Variants in NUDT21 observed in about 807,000 individuals in gnomAD.
NUDT21 encodes cleavage and polyadenylation specificity factor subunit 5.
In NUDT21, 5 loss-of-function variants were observed where a neutral mutation model predicts 29.8. The observed-to-expected ratio is 0.17, with a 90% CI of 0.09 to 0.35. NUDT21 has a LOEUF of 0.35. Ranked by LOEUF, NUDT21 falls within the 10% of genes least tolerant of loss-of-function variation. The pLI, the probability that NUDT21 is intolerant of heterozygous loss-of-function variation, is 1.00. For synonymous variants in NUDT21, 113 were observed against 98.5 expected (o/e 1.15, Z -0.87); for missense variants, 76 against 276.0 (o/e 0.28, Z 5.13).
In NUDT21 at chr16:56,439,467, C is replaced by T. The variant is rs367992423; in HGVS notation, c.471+190G>A. 71 of 553,574 alleles carry T rather than the reference C, an allele frequency of 1.3e-4. No homozygotes were observed. In the East Asian group the frequency reaches 1.8e-3, roughly 14 times the overall value. 34.3% of individuals were successfully genotyped at this position (553,574 alleles called of 1,614,324 possible). A position where few individuals can be genotyped will look rare whatever the true frequency, so the allele number is the denominator to read the frequency against. ...CTGGGATTACAGGCATGAGCCACCT[C>T]GCCCGGCCTTGTATTTGTTTTACAT... On this transcript the variant is annotated intron_variant, in intron 4 of 6. Coordinates refer to ENST00000300291, the MANE Select transcript of NUDT21 (RefSeq NM_007006.3).
chr16:56,447,527 C>G (rs1962233085), intron 2 of NUDT21: 1 of 448,810 alleles, frequency 2.2e-6, no homozygotes, highest in African/African-American at 2.0e-5. Flanking sequence ...AGACATTGAT[C>G]TTGGACTCAA....
intron 3 of NUDT21, among the ~76,000 whole-genome samples, chr16:56,445,261 C>A (rs1235007267): frequency 1.3e-5 from 2 of 151,934 alleles, no homozygotes; most frequent in Non-Finnish European, 2.9e-5. Flanking sequence ...AAGTATAATG[C>A]AAATATTCCA....
intron 5 of NUDT21, 114 bp downstream of exon 5, chr16:56,434,640 G>C: frequency 1.2e-6 from 1 of 863,618 alleles, no homozygotes; most frequent in Non-Finnish European, 1.9e-6. Context: ...TACATCTTTA[G>C]TTTTACAACA....
At chr16:56,450,683 CTAGGTTA>C (rs1409108664) in intron 1 of NUDT21, among the ~76,000 whole-genome samples, 1 of 152,200 alleles carries the variant, frequency 6.6e-6, no homozygotes, top group African/African-American at 2.4e-5. Flanking sequence ...AAAAATGATA[CTAGGTTA>C]TACCATTCGT....
chr16:56,442,875 T>C (rs1962175294), intron 3 of NUDT21, among the ~76,000 whole-genome samples: 1 of 152,184 alleles, frequency 6.6e-6, no homozygotes, highest in South Asian at 2.1e-4. Context: ...TTACTGAATT[T>C]TTCATTTCTT....
chr16:56,434,971 C>T (rs568783098), intron 4 of NUDT21, 142 bp from the exon 5 acceptor site: 1 of 542,050 alleles, frequency 1.8e-6, no homozygotes, highest in East Asian at 2.9e-5. Context: ...AACAGATACA[C>T]TAGTAAATAA....
intron 2 of NUDT21, among the ~76,000 whole-genome samples, chr16:56,447,277 A>G (rs1596957932): frequency 6.6e-6 from 1 of 152,340 alleles, no homozygotes; most frequent in African/African-American, 2.4e-5. Flanking sequence ...AATGGATCAC[A>G]TTCTTTAGGC....
intron 3 of NUDT21, among the ~76,000 whole-genome samples, chr16:56,443,775 C>T (rs1178467885): frequency 6.6e-6 from 1 of 152,194 alleles, no homozygotes; most frequent in East Asian, 1.9e-4. Context: ...TGCTTTCTGC[C>T]ATGAGTGGAA....
chr16:56,435,771 A>ATATATATATATATG (rs1369761952), intron 4 of NUDT21, among the ~76,000 whole-genome samples: 2 of 101,856 alleles, frequency 2.0e-5, no homozygotes, highest in Non-Finnish European at 4.0e-5. Flanking sequence ...ATATATATAT[A>ATATATATATATATG]TATATATATA....
Position 56,429,641 on chromosome 16 carries a change from T to G in NUDT21, c.*3071A>C, listed in dbSNP as rs1345086418. On this transcript the variant is annotated 3_prime_UTR_variant, in exon 7 of 7. Coordinates refer to ENST00000300291, the MANE Select transcript of NUDT21 (RefSeq NM_007006.3). Reference sequence around the variant, plus strand: ...AATGAGTCCAGTTTAACCCAAATAATCAGTGATGTATAACAAGTGAAGTAA... The same window carrying G: ...AATGAGTCCAGTTTAACCCAAATAAGCAGTGATGTATAACAAGTGAAGTAA... The G allele has an allele frequency of 6.6e-6, 1 of 152,146 alleles. No homozygotes were observed. The highest frequency in any genetic ancestry group is 1.5e-5 in the Non-Finnish European group (1 of 68,038). 9.4% of individuals were successfully genotyped at this position (152,146 alleles called of 1,614,324 possible).
intron 3 of NUDT21, among the ~76,000 whole-genome samples, chr16:56,441,010 G>GCTTA (rs1962153566): frequency 6.6e-6 from 1 of 152,052 alleles, no homozygotes; most frequent in Admixed American, 6.6e-5. Context: ...AAAGTGCTGG[G>GCTTA]CTTACAGGCA....
Position 56,451,289 on chromosome 16 carries a change from C to G in NUDT21, c.-87G>C. The G allele has an allele frequency of 9.6e-7, 1 of 1,042,698 alleles. No homozygotes were observed. Among genetic ancestry groups the G allele is most frequent in the Non-Finnish European group, 1.4e-6 (1 of 711,618 alleles). 64.6% of individuals were successfully genotyped at this position (1,042,698 alleles called of 1,614,324 possible). A position where few individuals can be genotyped will look rare whatever the true frequency, so the allele number is the denominator to read the frequency against. On this transcript the variant is annotated 5_prime_UTR_variant, in exon 1 of 7. Transcript: ENST00000300291. ...GCGGGAAGCGGTTATCTGCAATCCC[C>G]TCAGCGGCTACTGCCCGCCATTAAC...
intron 4 of NUDT21, among the ~76,000 whole-genome samples, chr16:56,436,542 T>C (rs1433560574): frequency 6.6e-6 from 1 of 152,220 alleles, no homozygotes; most frequent in Non-Finnish European, 1.5e-5. Flanking sequence ...TTCCTTAAAC[T>C]GTCATGAAAA....
intron 4 of NUDT21, among the ~76,000 whole-genome samples, chr16:56,435,461 T>C (rs1962086335): frequency 6.6e-6 from 1 of 150,934 alleles, no homozygotes; most frequent in South Asian, 2.1e-4. Context: ...GCACAGTGGC[T>C]CACGCCTGTA....
chr16:56,447,953 C>T lies in NUDT21; in HGVS notation c.153G>A (p.Glu51=), dbSNP rs977323734. ...CAGAGCTGTCCTTCTCGTAGAGGGGCTCTTTTGTACCAAAAGTATAATTGG... is the reference window on the plus strand; with the variant it reads ...CAGAGCTGTCCTTCTCGTAGAGGGGTTCTTTTGTACCAAAAGTATAATTGG... ...PLTNYTFGTK[E]PLYEKDSSVA... is the part of the protein sequence containing the mutation. Residue 51 remains glutamate (E), a synonymous_variant, in exon 2 of 7, where the codon GAG becomes GAA. Transcript: ENST00000300291. The T allele has an allele frequency of 3.1e-6, 5 of 1,613,904 alleles. No individual in the cohort carries two copies. In the African/African-American group the frequency reaches 6.7e-5, roughly 22 times the overall value.
Position 56,432,636 on chromosome 16 carries a change from C to T in NUDT21, c.*76G>A. The T allele has an allele frequency of 1.5e-6, 2 of 1,338,680 alleles. No individual in the cohort carries two copies. Among genetic ancestry groups the T allele is most frequent in the South Asian group, 1.5e-5 (1 of 66,430 alleles). 82.9% of individuals were successfully genotyped at this position (1,338,680 alleles called of 1,614,324 possible). On this transcript the variant is annotated 3_prime_UTR_variant, in exon 7 of 7. Coordinates refer to ENST00000300291, the MANE Select transcript of NUDT21 (RefSeq NM_007006.3). ...GATAAAACCAAAAAAACTTTTCTACCACATTTATTCTACACTGTATATAGC... is the reference window on the plus strand; with the variant it reads ...GATAAAACCAAAAAAACTTTTCTACTACATTTATTCTACACTGTATATAGC...
chr16:56,451,308 C>T lies in NUDT21; in HGVS notation c.-106G>A, dbSNP rs1349862816. ...AATCCCCTCAGCGGCTACTGCCCGCCATTAACAGGACAGCGCAAGAGGAGG... is the reference window on the plus strand; with the variant it reads ...AATCCCCTCAGCGGCTACTGCCCGCTATTAACAGGACAGCGCAAGAGGAGG... On this transcript the variant is annotated 5_prime_UTR_variant, in exon 1 of 7. It removes an upstream start codon present in the reference 5' UTR. Coordinates refer to ENST00000300291, the MANE Select transcript of NUDT21 (RefSeq NM_007006.3). The T allele has an allele frequency of 2.2e-6, 2 of 900,116 alleles. No individual in the cohort carries two copies. The highest frequency in any genetic ancestry group is 1.7e-5 in the African/African-American group (1 of 60,068). 55.8% of individuals were successfully genotyped at this position (900,116 alleles called of 1,614,324 possible).
Position 56,431,132 on chromosome 16 carries a change from T to A in NUDT21, c.*1580A>T, listed in dbSNP as rs1251176779. The A allele has an allele frequency of 3.3e-5, 5 of 152,204 alleles. No individual in the cohort carries two copies. The highest frequency in any genetic ancestry group is 1.2e-4 in the African/African-American group (5 of 41,456). 9.4% of individuals were successfully genotyped at this position (152,204 alleles called of 1,614,324 possible). ...TGAGCTGAATCAATCCATCTTCATA[T>A]CCACTTCCTCCAATCTAAAGGAATA... On this transcript the variant is annotated 3_prime_UTR_variant, in exon 7 of 7. Transcript: ENST00000300291.
chr16:56,449,488 T>C (rs1412633940), intron 1 of NUDT21, among the ~76,000 whole-genome samples: 1 of 152,228 alleles, frequency 6.6e-6, no homozygotes, highest in African/African-American at 2.4e-5. Flanking sequence ...TCAGGTGAAC[T>C]TAAGTTCACA....
Sources: gnomAD v4.1 joint callset for allele counts (sites outside exome capture counted in the v4.1 genomes callset) on GRCh38, gnomAD v4.1.1 for gene constraint, MANE v1.5 for transcripts, NCBI Gene and HGNC (gene_info 2026-07-23, HGNC 2026-07-21) for gene names.